The following SKI variants were observed in gnomAD, a reference collection of about 807,000 sequenced individuals.
SKI encodes the protein ski oncogene.
In SKI, 23 loss-of-function variants were observed where a neutral mutation model predicts 59.3. The observed-to-expected ratio is 0.39, with a 90% CI of 0.28 to 0.55. The LOEUF (loss-of-function observed/expected upper bound fraction) is 0.55, where lower values mean the gene tolerates loss of function less well. Ranked by LOEUF, SKI falls within the 20% of genes least tolerant of loss-of-function variation. SKI has a pLI of 0.67. For synonymous variants in SKI, 673 were observed against 488.6 expected (o/e 1.38, Z -4.98); for missense variants, 1,017 against 1,038.9 (o/e 0.98, Z 0.29).
chr1:2,295,707 C>T (rs909224589), intron 1 of SKI, among the ~76,000 whole-genome samples: 2 of 68,174 alleles, frequency 2.9e-5, no homozygotes, highest in African/African-American at 8.8e-5. Flanking sequence ...TGTGTCCGGG[C>T]CACGTGTGGC....
chr1:2,293,298 G>T (rs1640204974), intron 1 of SKI, among the ~76,000 whole-genome samples: 1 of 152,174 alleles, frequency 6.6e-6, no homozygotes, highest in Admixed American at 6.5e-5. Flanking sequence ...GCGTGGCCCT[G>T]GGTGGCTGCC....
intron 1 of SKI, among the ~76,000 whole-genome samples, chr1:2,255,395 C>G (rs531920037): frequency 3.9e-5 from 6 of 152,340 alleles, no homozygotes; most frequent in Admixed American, 3.3e-4. Context: ...GTCTTCTGAC[C>G]CCATTTCTTA....
chr1:2,278,746 C>T (rs1639801440), intron 1 of SKI, among the ~76,000 whole-genome samples: 1 of 151,896 alleles, frequency 6.6e-6, no homozygotes. Flanking sequence ...CTGGAGGCTG[C>T]CCCAGGCTGG....
At chr1:2,275,163 G>C (rs544547760) in intron 1 of SKI, among the ~76,000 whole-genome samples, 27 of 152,358 alleles carry the variant, frequency 1.8e-4, no homozygotes, top group African/African-American at 6.0e-4. Context: ...GGCCAGCCTT[G>C]GGGGCCCGGT....
At chr1:2,257,827 C>G (rs1330851208) in intron 1 of SKI, among the ~76,000 whole-genome samples, 1 of 152,172 alleles carries the variant, frequency 6.6e-6, no homozygotes, top group Non-Finnish European at 1.5e-5. Flanking sequence ...CAGCCTCCGC[C>G]TCCTGAGTTC....
chr1:2,237,526 G>A (rs1388391386), intron 1 of SKI, among the ~76,000 whole-genome samples: 3 of 152,196 alleles, frequency 2.0e-5, no homozygotes, highest in South Asian at 2.1e-4. Context: ...CTGCAGACCC[G>A]CCCTCACCCT....
At chr1:2,240,646 G>T (rs1477736873) in intron 1 of SKI, 1 of 985,342 alleles carries the variant, frequency 1.0e-6, no homozygotes, top group Non-Finnish European at 1.2e-6. Context: ...GCATTAACAA[G>T]AAAACTTGGA....
At chr1:2,253,797 G>GC (rs960380182) in intron 1 of SKI, among the ~76,000 whole-genome samples, 5 of 152,090 alleles carry the variant, frequency 3.3e-5, no homozygotes, top group South Asian at 2.1e-4. Context: ...GGGGTGTTGT[G>GC]CCCCCCCTAC....
At position 2,270,261 on chromosome 1, in the gene SKI, C is replaced by T. The variant is rs895105378; in HGVS notation, c.970-32717C>T. Among the ~76,000 whole-genome samples the T allele has an allele frequency of 2.0e-5, 3 of 152,172 alleles. No individual in the cohort carries two copies. The highest frequency in any genetic ancestry group is 2.1e-4 in the South Asian group (1 of 4,834). On this transcript the variant is annotated intron_variant, in intron 1 of 6. Transcript: ENST00000378536. The surrounding 1 kb of genome is among the most constrained non-coding windows in gnomAD (Gnocchi z 4.1). ...CGCTGCGTCTGGGTTCGGTCCTGGA[C>T]CTGCTGCGTGTTATCCTCCCTGCGG...
chr1:2,238,167 A>G (rs1197973702), intron 1 of SKI, among the ~76,000 whole-genome samples: 1 of 152,116 alleles, frequency 6.6e-6, no homozygotes, highest in Non-Finnish European at 1.5e-5. Context: ...GTTAGGCCTC[A>G]TTGTCCGTGC....
At position 2,267,828 on chromosome 1, in the gene SKI, C is replaced by T. The variant is rs1305802507; in HGVS notation, c.970-35150C>T. On this transcript the variant is annotated intron_variant, in intron 1 of 6. Transcript: ENST00000378536. The surrounding 1 kb of genome is among the most constrained non-coding windows in gnomAD (Gnocchi z 4.1). Reference sequence around the variant, plus strand: ...CACGGTCTCCAAATGAGCAGGAACACCTTGCATGCCCTGCGAGATGTGTTT... The same window carrying T: ...CACGGTCTCCAAATGAGCAGGAACATCTTGCATGCCCTGCGAGATGTGTTT... 4.6e-5 allele frequency among the ~76,000 whole-genome samples: 7 copies of T among 152,210 alleles called. No homozygotes were observed. The highest frequency in any genetic ancestry group is 3.3e-4 in the Admixed American group (5 of 15,290).
intron 1 of SKI, among the ~76,000 whole-genome samples, chr1:2,260,539 T>TTTTTC (rs1639365214): frequency 8.0e-6 from 1 of 124,656 alleles, no homozygotes. Context: ...CTTTTTCTTT[T>TTTTTC]TTTTTTTTTT....
rs1443056524 is a variant in SKI, at chr1:2,270,423, A to T, written c.970-32555A>T. Among the ~76,000 whole-genome samples, 1 of 152,170 alleles carries T rather than the reference A, an allele frequency of 6.6e-6. No individual in the cohort carries two copies. The highest frequency in any genetic ancestry group is 2.4e-5 in the African/African-American group (1 of 41,452). Reference sequence around the variant, plus strand: ...CCCCTGCGTTGGTCCCTCACAGGCCAGGGGGTGTGGCCACAGGGCCTGGGC... The same window carrying T: ...CCCCTGCGTTGGTCCCTCACAGGCCTGGGGGTGTGGCCACAGGGCCTGGGC... On this transcript the variant is annotated intron_variant, in intron 1 of 6. Transcript: ENST00000378536. The surrounding 1 kb of genome is among the most constrained non-coding windows in gnomAD (Gnocchi z 4.1).
rs550373849 is a variant in SKI, at chr1:2,269,463, G to A, written c.970-33515G>A. On this transcript the variant is annotated intron_variant, in intron 1 of 6. Transcript: ENST00000378536. The surrounding 1 kb of genome is among the most constrained non-coding windows in gnomAD (Gnocchi z 4.7). ...ACACGTTCCCCAACGTGGGATGTCC[G>A]TCCTCAGCAGTCTGTGGCCTTCTGT... 3.3e-5 allele frequency among the ~76,000 whole-genome samples: 5 copies of A among 152,386 alleles called. No homozygotes were observed. Among genetic ancestry groups the A allele is most frequent in the African/African-American group, 9.6e-5 (4 of 41,596 alleles).
chr1:2,306,726 G>GGCTGCGGGCAGCGAGGGC lies in SKI; in HGVS notation c.2156_2173dup (p.Gly719_Ala724dup). ...AGCTGTGGCCGCGGGCCCGCCCCGA[G>GGCTGCGGGCAGCGAGGGC]GCTGCGGGCAGCGAGGGCGCTGCGG... is the stretch of plus-strand genomic sequence containing the variant. On this transcript the variant is annotated inframe_insertion, in exon 7 of 7. Coordinates refer to ENST00000378536, the MANE Select transcript of SKI (RefSeq NM_003036.4). 1.3e-6 allele frequency: 2 copies of GGCTGCGGGCAGCGAGGGC among 1,533,600 alleles called. No homozygotes were observed. Among genetic ancestry groups the GGCTGCGGGCAGCGAGGGC allele is most frequent in the Non-Finnish European group, 8.8e-7 (1 of 1,141,740 alleles). The allele number at this position is 1,533,600 out of a possible 1,614,324, so 95.0% of individuals were successfully genotyped here.
At chr1:2,292,997 G>A (rs1421578271) in intron 1 of SKI, among the ~76,000 whole-genome samples, 2 of 152,210 alleles carry the variant, frequency 1.3e-5, no homozygotes, top group African/African-American at 2.4e-5. Flanking sequence ...GGGGCCTGCT[G>A]TTGTCTAGCA....
At chr1:2,258,259 C>G (rs944830963) in intron 1 of SKI, among the ~76,000 whole-genome samples, 19 of 152,014 alleles carry the variant, frequency 1.2e-4, no homozygotes, top group African/African-American at 4.1e-4. Context: ...GTCCTTAAAC[C>G]CGTATGTTCG....
At position 2,306,061 on chromosome 1, in the gene SKI, G is replaced by A. The variant is rs1352004906; in HGVS notation, c.1809G>A (p.Arg603=). The change falls in exon 6 of 7, where the codon CGG becomes CGA. Residue 603 remains arginine, a synonymous_variant. Transcript: ENST00000378536. ...FLRVAKKEKL[R]EATEAKRNLR... ...GCGTGGCCAAGAAGGAGAAGCTGCG[G>A]GAGGCCACGGAGGCCAAGCGTAACC... 4 of 1,599,612 alleles carry A rather than the reference G, an allele frequency of 2.5e-6. No homozygotes were observed. Among genetic ancestry groups the A allele is most frequent in the Admixed American group, 1.7e-5 (1 of 57,458 alleles).
At chr1:2,272,520 C>A (rs181599976) in intron 1 of SKI, among the ~76,000 whole-genome samples, 1 of 152,212 alleles carries the variant, frequency 6.6e-6, no homozygotes. Context: ...CTCCTTCCCC[C>A]ACAGGCTACA....
Sources: allele counts gnomAD v4.1 joint callset (sites outside exome capture counted in the v4.1 genomes callset), GRCh38; gene constraint gnomAD v4.1.1; non-coding constraint Gnocchi (gnomAD v3.1); transcripts MANE v1.5; gene names NCBI Gene and HGNC (gene_info 2026-07-23, HGNC 2026-07-21).